TMEM117: variants seen among roughly 807,000 people sequenced by gnomAD.
The protein encoded by TMEM117 is transmembrane protein 117.
Under a neutral mutation model 52.4 loss-of-function variants are expected in TMEM117, and 27 were observed. The observed-to-expected ratio is 0.51, with a 90% CI of 0.38 to 0.71. The LOEUF (loss-of-function observed/expected upper bound fraction) is 0.71, where lower values mean the gene tolerates loss of function less well. Among genes scored for constraint, TMEM117 ranks in the 30% least tolerant of loss-of-function variants. The pLI is 0.00. For synonymous variants in TMEM117, 215 were observed against 206.3 expected (o/e 1.04, Z -0.36); for missense variants, 556 against 630.5 (o/e 0.88, Z 1.26).
the TMEM117 span, chr12:43,797,338 T>C: frequency 1.2e-6 from 2 of 1,603,720 alleles, no homozygotes; most frequent in Non-Finnish European, 8.5e-7. Flanking sequence ...TGGGAATGTT[T>C]ATACAGAAAG....
At chr12:44,212,147 T>A (rs1949654545) in intron 5 of TMEM117, among the ~76,000 whole-genome samples, 1 of 152,224 alleles carries the variant, frequency 6.6e-6, no homozygotes, top group Non-Finnish European at 1.5e-5. Context: ...CTTGGTCGAC[T>A]GCAGTCTGAA....
intron 6 of TMEM117, among the ~76,000 whole-genome samples, chr12:44,354,677 T>C (rs1951619368): frequency 6.6e-6 from 1 of 151,864 alleles, no homozygotes; most frequent in Non-Finnish European, 1.5e-5. Context: ...CTCAAAATAA[T>C]AAGAGCTATC....
chr12:43,909,300 A>G (rs11520309), intron 2 of TMEM117, among the ~76,000 whole-genome samples: 35 of 46,566 alleles, frequency 7.5e-4, no homozygotes, highest in South Asian at 2.9e-3. Context: ...TGAAACCAAC[A>G]AGAGCAAAGA....
At chr12:43,851,041 A>C (rs925248924) in intron 2 of TMEM117, among the ~76,000 whole-genome samples, 1 of 152,176 alleles carries the variant, frequency 6.6e-6, no homozygotes, top group Admixed American at 6.5e-5. Flanking sequence ...ATTCTCTAAT[A>C]AGATACCAAA....
chr12:43,932,932 C>T lies in TMEM117; in HGVS notation c.278-11278C>T, dbSNP rs183966073. Among the ~76,000 whole-genome samples, 17 of 152,230 alleles carry T rather than the reference C, an allele frequency of 1.1e-4. No homozygotes were observed. The East Asian group carries it at 1.5e-3, about 14-fold the overall frequency. On this transcript the variant is annotated intron_variant, in intron 2 of 7. Coordinates refer to ENST00000266534, the MANE Select transcript of TMEM117 (RefSeq NM_032256.3). ...TCAGAGAGATCTGAATGCATAGGTACAAATAATAGCAATACTGTAAATGTG... is the reference window on the plus strand; with the variant it reads ...TCAGAGAGATCTGAATGCATAGGTATAAATAATAGCAATACTGTAAATGTG...
At chr12:44,342,315 C>G (rs1951428536) in intron 6 of TMEM117, among the ~76,000 whole-genome samples, 1 of 152,166 alleles carries the variant, frequency 6.6e-6, no homozygotes, top group African/African-American at 2.4e-5. Context: ...TCTGCCCTCC[C>G]TCTTTTTAGC....
intron 2 of TMEM117, among the ~76,000 whole-genome samples, chr12:43,906,925 G>A (rs3990339): frequency 0.7 from 106,562 of 151,778 alleles, 41,234 homozygotes; most frequent in East Asian, 0.87. Flanking sequence ...GGGGAGGGGC[G>A]CCTGCCATTG....
intron 3 of TMEM117, among the ~76,000 whole-genome samples, chr12:44,038,042 A>T (rs545009169): frequency 4.6e-5 from 7 of 152,234 alleles, no homozygotes; most frequent in African/African-American, 1.7e-4. Context: ...TCTGTCACTC[A>T]CTAAAGCCCT....
chr12:44,362,688 T>A (rs1196255010), intron 6 of TMEM117, among the ~76,000 whole-genome samples: 1 of 151,832 alleles, frequency 6.6e-6, no homozygotes, highest in Non-Finnish European at 1.5e-5. Flanking sequence ...TGAAAAATAA[T>A]GGTTGGAAAT....
chr12:44,256,946 C>T (rs1359550812), intron 5 of TMEM117, among the ~76,000 whole-genome samples: 3 of 151,338 alleles, frequency 2.0e-5, no homozygotes, highest in African/African-American at 4.9e-5. Flanking sequence ...TGGTTACTGC[C>T]TTCTCTTTTC....
At chr12:43,895,552 G>T (rs557913325) in intron 2 of TMEM117, among the ~76,000 whole-genome samples, 1 of 152,300 alleles carries the variant, frequency 6.6e-6, no homozygotes, top group African/African-American at 2.4e-5. Context: ...TCTGTGATGG[G>T]TGCTGTGGGG....
chr12:44,211,225 G>C, intron 4 of TMEM117, 65 bp from the exon 5 acceptor site: 4 of 1,053,300 alleles, frequency 3.8e-6, no homozygotes, highest in Non-Finnish European at 5.9e-6. Flanking sequence ...TAAATTATAG[G>C]CTTATAGTTA....
intron 2 of TMEM117, among the ~76,000 whole-genome samples, chr12:43,867,639 A>G (rs1288697201): frequency 1.3e-5 from 2 of 150,416 alleles, no homozygotes; most frequent in African/African-American, 5.0e-5. Context: ...GAAAATGAAT[A>G]TATCCTGTAA....
In TMEM117 at chr12:44,368,589, A is replaced by G. The variant is rs531143911; in HGVS notation, c.769-8006A>G. On this transcript the variant is annotated intron_variant, in intron 6 of 7. Coordinates refer to ENST00000266534, the MANE Select transcript of TMEM117 (RefSeq NM_032256.3). ...AAGGACAATAATACCTACTTTTGAC[A>G]GTATGCAATTAATTTTCCTATATAG... Among the ~76,000 whole-genome samples the G allele has an allele frequency of 3.3e-5, 5 of 152,306 alleles. No homozygotes were observed. The South Asian group carries it at 1.0e-3, about 32-fold the overall frequency.
rs548174780 is a variant in TMEM117, at chr12:43,878,729, A to G, written c.277+33801A>G. ...AATTTTAAGCCTAGTAGCACTATGTAAAATCATTTTAAAATGAGAAAGTTT... is the reference window on the plus strand; with the variant it reads ...AATTTTAAGCCTAGTAGCACTATGTGAAATCATTTTAAAATGAGAAAGTTT... On this transcript the variant is annotated intron_variant, in intron 2 of 7. Transcript: ENST00000266534. Among the ~76,000 whole-genome samples the G allele has an allele frequency of 2.8e-4, 42 of 152,336 alleles. 2 individuals are homozygous for G. The South Asian group carries it at 8.7e-3, about 32-fold the overall frequency.
intron 2 of TMEM117, among the ~76,000 whole-genome samples, chr12:43,910,709 A>G (rs2137531211): frequency 8.3e-6 from 1 of 120,358 alleles, no homozygotes; most frequent in African/African-American, 3.1e-5. Flanking sequence ...CAACAGACAA[A>G]CAGAGAGCCA....
intron 5 of TMEM117, among the ~76,000 whole-genome samples, chr12:44,288,857 G>A (rs1950667432): frequency 6.6e-6 from 1 of 152,110 alleles, no homozygotes. Flanking sequence ...GTGTGTGTAT[G>A]TATGTATGCA....
intron 5 of TMEM117, among the ~76,000 whole-genome samples, chr12:44,277,232 T>C (rs1950525310): frequency 6.6e-6 from 1 of 152,196 alleles, no homozygotes; most frequent in African/African-American, 2.4e-5. Flanking sequence ...TTCCAGTTTG[T>C]ATAGGTAATC....
At chr12:44,174,914 C>T (rs186841733) in intron 4 of TMEM117, among the ~76,000 whole-genome samples, 14 of 152,172 alleles carry the variant, frequency 9.2e-5, no homozygotes, top group East Asian at 3.9e-4. Flanking sequence ...GCAGTGGCAA[C>T]GGGCACGGAG....
Sources: allele counts gnomAD v4.1 joint callset (sites outside exome capture counted in the v4.1 genomes callset), GRCh38; gene constraint gnomAD v4.1.1; transcripts MANE v1.5; gene names NCBI Gene and HGNC (gene_info 2026-07-23, HGNC 2026-07-21).